Variants in ERBB4 observed in about 807,000 individuals in gnomAD.
ERBB4 encodes the protein receptor tyrosine-protein kinase erbB-4.
A neutral mutation model predicts 158.0 loss-of-function variants in ERBB4; 42 were observed. That is an observed-to-expected ratio of 0.27 (90% CI 0.21 to 0.34). ERBB4 has a LOEUF of 0.34. Among genes scored for constraint, ERBB4 ranks in the 10% least tolerant of loss-of-function variants. The probability of loss-of-function intolerance (pLI) is 1.00; values close to 1 mark genes in which losing one functional copy is unlikely to be tolerated. For synonymous variants in ERBB4, 583 were observed against 558.7 expected (o/e 1.04, Z -0.61); for missense variants, 1,333 against 1,624.1 (o/e 0.82, Z 3.08).
intron 3 of ERBB4, among the ~76,000 whole-genome samples, chr2:211,862,499 C>G (rs1200524432): frequency 6.6e-6 from 1 of 151,684 alleles, no homozygotes. Flanking sequence ...GTTCATAAGT[C>G]AAAACTCACT....
chr2:212,327,001 T>G (rs2087870511), intron 1 of ERBB4, among the ~76,000 whole-genome samples: 1 of 150,852 alleles, frequency 6.6e-6, no homozygotes. Flanking sequence ...GAGATGTTAA[T>G]AGCCTTGGTA....
chr2:211,536,711 A>G (rs1419562625), intron 20 of ERBB4, among the ~76,000 whole-genome samples: 2 of 152,102 alleles, frequency 1.3e-5, no homozygotes, highest in African/African-American at 4.8e-5. Flanking sequence ...AATGGGAGTC[A>G]GAAATAAAGA....
At chr2:211,438,671 C>T (rs537446919) in intron 20 of ERBB4, among the ~76,000 whole-genome samples, 1 of 152,258 alleles carries the variant, frequency 6.6e-6, no homozygotes, top group African/African-American at 2.4e-5. Context: ...CTGTTGGTTA[C>T]TCAGCACTGT....
At chr2:212,049,982 G>C (rs576998619) in intron 2 of ERBB4, among the ~76,000 whole-genome samples, 4 of 152,170 alleles carry the variant, frequency 2.6e-5, no homozygotes, top group African/African-American at 9.6e-5. Flanking sequence ...TTAGGTAAAA[G>C]GTTGGAAAAA....
At chr2:212,468,498 T>C (rs981654935) in intron 1 of ERBB4, among the ~76,000 whole-genome samples, 15 of 152,162 alleles carry the variant, frequency 9.9e-5, no homozygotes, top group Admixed American at 2.0e-4. Context: ...CCTGCCGCCA[T>C]CCACATAAAA....
chr2:211,627,641 T>C (rs1301642389), intron 17 of ERBB4, among the ~76,000 whole-genome samples: 1 of 152,202 alleles, frequency 6.6e-6, no homozygotes. Flanking sequence ...TTCCTGTCAG[T>C]GTTCAAAGGA....
At chr2:211,431,901 T>C (rs1367149587) in intron 20 of ERBB4, among the ~76,000 whole-genome samples, 1 of 152,206 alleles carries the variant, frequency 6.6e-6, no homozygotes, top group Non-Finnish European at 1.5e-5. Flanking sequence ...ACATGTTATG[T>C]ATTAATATCT....
At chr2:212,457,606 A>G (rs1296705229) in intron 1 of ERBB4, among the ~76,000 whole-genome samples, 1 of 152,086 alleles carries the variant, frequency 6.6e-6, no homozygotes, top group African/African-American at 2.4e-5. Context: ...AATTTGGCTT[A>G]ATTACTTCTA....
chr2:211,986,968 A>G (rs906089031), intron 2 of ERBB4, among the ~76,000 whole-genome samples: 1 of 152,328 alleles, frequency 6.6e-6, no homozygotes, highest in East Asian at 1.9e-4. Context: ...TATATAAAGT[A>G]TGAAAACACA....
Position 211,383,734 on chromosome 2 carries a change from G to A in ERBB4, c.3808C>T (p.Gln1270Ter), listed in dbSNP as rs1457981508. ...QEYSTKYFYKQNGRIRPIVAE... is the reference protein window; with the variant it reads ...QEYSTKYFYK ...ACAATAGGCCGGATCCGCCCATTCT[G>A]TTTATAAAAATATTTTGTGCTGTAC... The change falls in exon 28 of 28, where the codon CAG (glutamine) becomes TAG (stop). Residue 1270 changes from glutamine to a stop codon, truncating the protein, a stop_gained. Transcript: ENST00000342788. LOFTEE classifies it high-confidence loss of function. 1 of 1,614,064 alleles carries A rather than the reference G, an allele frequency of 6.2e-7. No homozygotes were observed. The highest frequency in any genetic ancestry group is 1.1e-5 in the South Asian group (1 of 91,074).
At position 211,756,412 on chromosome 2, in the gene ERBB4, T is replaced by C. The variant is rs771123201; in HGVS notation, c.557-5708A>G. On this transcript the variant is annotated intron_variant, in intron 4 of 27. Coordinates refer to ENST00000342788, the MANE Select transcript of ERBB4 (RefSeq NM_005235.3). ...AACTGTTTGGGGCCATAATGAGTAG[T>C]TTAGGGTTTTTTGAGCATAGTTTGC... is the stretch of plus-strand genomic sequence containing the variant. 7.2e-5 allele frequency among the ~76,000 whole-genome samples: 11 copies of C among 152,142 alleles called. No homozygotes were observed. The South Asian group carries it at 1.2e-3, about 17-fold the overall frequency.
At chr2:212,377,115 T>C (rs1025898235) in intron 1 of ERBB4, among the ~76,000 whole-genome samples, 3 of 151,538 alleles carry the variant, frequency 2.0e-5, no homozygotes, top group South Asian at 2.1e-4. Flanking sequence ...CCTTGTAATA[T>C]ATAGCTCTTA....
chr2:212,375,623 G>A (rs1348088732), intron 1 of ERBB4, among the ~76,000 whole-genome samples: 2 of 152,010 alleles, frequency 1.3e-5, no homozygotes, highest in East Asian at 3.9e-4. Context: ...TTATAAGGGG[G>A]ACTTCAAAAA....
At position 212,538,697 on chromosome 2, in the gene ERBB4, C is replaced by T; in HGVS notation, c.-167G>A. 1 of 484,016 alleles carries T rather than the reference C, an allele frequency of 2.1e-6. No individual in the cohort carries two copies. The highest frequency in any genetic ancestry group is 3.5e-6 in the Non-Finnish European group (1 of 289,356). The allele number at this position is 484,016 out of a possible 1,614,324, so 30.0% of individuals were successfully genotyped here. A position where few individuals can be genotyped will look rare whatever the true frequency, so the allele number is the denominator to read the frequency against. The stretch of plus-strand genomic sequence containing the variant: ...CCCAGGGCGGGCGACCGAGTCCGCG[C>T]CCGCGGGTCCAGGGCCGGGGCCCGA... On this transcript the variant is annotated 5_prime_UTR_variant, in exon 1 of 28. Coordinates refer to ENST00000342788, the MANE Select transcript of ERBB4 (RefSeq NM_005235.3).
rs1052946188 is a variant in ERBB4 at position 211,828,027 on chromosome 2, G to A, written c.422-39868C>T. ...AATTCACATCTTTTGACATTAATCT[G>A]TATTGTGTTTATTCCAGGACTCCAG... On this transcript the variant is annotated intron_variant, in intron 3 of 27. Coordinates refer to ENST00000342788, the MANE Select transcript of ERBB4 (RefSeq NM_005235.3). Among the ~76,000 whole-genome samples, 4 of 152,078 alleles carry A rather than the reference G, an allele frequency of 2.6e-5. 1 individual carries two copies. The highest frequency in any genetic ancestry group is 5.9e-5 in the Non-Finnish European group (4 of 68,002).
At chr2:212,120,425 G>T (rs537822360) in intron 2 of ERBB4, among the ~76,000 whole-genome samples, 3 of 152,090 alleles carry the variant, frequency 2.0e-5, no homozygotes, top group African/African-American at 7.2e-5. Flanking sequence ...TGAAATTGGG[G>T]TCTATAATTT....
chr2:212,530,874 T>TTGTACCA (rs1206895831), intron 1 of ERBB4, among the ~76,000 whole-genome samples: 1 of 152,196 alleles, frequency 6.6e-6, no homozygotes, highest in Non-Finnish European at 1.5e-5. Flanking sequence ...AGAGTGTTTA[T>TTGTACCA]TGTACCATTC....
At chr2:212,180,614 G>T (rs1446668543) in intron 1 of ERBB4, among the ~76,000 whole-genome samples, 1 of 151,628 alleles carries the variant, frequency 6.6e-6, no homozygotes, top group African/African-American at 2.4e-5. Flanking sequence ...TCGGGTATTT[G>T]CAATGGAAGA....
intron 1 of ERBB4, among the ~76,000 whole-genome samples, chr2:212,194,018 G>A (rs768881721): frequency 1.4e-4 from 22 of 151,944 alleles, no homozygotes; most frequent in Non-Finnish European, 3.2e-4. Context: ...GAATTAACAG[G>A]CTAATAAAAA....
Sources: allele counts gnomAD v4.1 joint callset (sites outside exome capture counted in the v4.1 genomes callset), GRCh38; gene constraint gnomAD v4.1.1; transcripts MANE v1.5; gene names NCBI Gene and HGNC (gene_info 2026-07-23, HGNC 2026-07-21).